SNX10: variants seen among roughly 807,000 people sequenced by gnomAD.
SNX10 encodes sorting nexin-10.
Under a neutral mutation model 28.5 loss-of-function variants are expected in SNX10, and 25 were observed. That is an observed-to-expected ratio of 0.88 (90% CI 0.64 to 1.22). The LOEUF (loss-of-function observed/expected upper bound fraction) is 1.22, where lower values mean the gene tolerates loss of function less well. Among genes scored for constraint, SNX10 ranks in the 50% most tolerant of loss-of-function variants. The probability of loss-of-function intolerance (pLI) is 0.00; values close to 1 mark genes in which losing one functional copy is unlikely to be tolerated. For synonymous variants in SNX10, 62 were observed against 81.4 expected (o/e 0.76, Z 1.28); for missense variants, 223 against 242.6 (o/e 0.92, Z 0.54).
chr7:26,341,602 C>A (rs773613107), intron 1 of SNX10, among the ~76,000 whole-genome samples: 3 of 151,718 alleles, frequency 2.0e-5, no homozygotes, highest in Non-Finnish European at 4.4e-5. Context: ...TCAAGCAGTT[C>A]TCCTGTCTCA....
chr7:26,347,969 A>G (rs980573598), intron 2 of SNX10, among the ~76,000 whole-genome samples: 10 of 152,112 alleles, frequency 6.6e-5, no homozygotes, highest in African/African-American at 1.9e-4. Context: ...TAGTAGAGAC[A>G]GGGTCTCTCT....
chr7:26,334,911 T>C (rs1300773201), intron 1 of SNX10, among the ~76,000 whole-genome samples: 21 of 152,212 alleles, frequency 1.4e-4, no homozygotes, highest in Admixed American at 1.4e-3. Context: ...TGCAGATGGT[T>C]CTGCTTGCTC....
At chr7:26,303,661 A>G (rs535278861) in intron 1 of SNX10, among the ~76,000 whole-genome samples, 1 of 151,800 alleles carries the variant, frequency 6.6e-6, no homozygotes, top group Non-Finnish European at 1.5e-5. Context: ...TCTTTTCTCT[A>G]TGTTTTCTCC....
At chr7:26,301,200 C>T (rs577072206) in intron 1 of SNX10, among the ~76,000 whole-genome samples, 2 of 152,114 alleles carry the variant, frequency 1.3e-5, no homozygotes, top group Non-Finnish European at 2.9e-5. Flanking sequence ...ACCAGGCTTT[C>T]TGGCATTAAC....
At chr7:26,323,014 G>A (rs923179177) in intron 1 of SNX10, among the ~76,000 whole-genome samples, 3 of 152,164 alleles carry the variant, frequency 2.0e-5, no homozygotes, top group African/African-American at 7.2e-5. Flanking sequence ...TTGGGAGTTC[G>A]AGGCAGAAGG....
chr7:26,362,411 G>A (rs1254853014), intron 3 of SNX10, among the ~76,000 whole-genome samples: 2 of 152,198 alleles, frequency 1.3e-5, no homozygotes, highest in Non-Finnish European at 2.9e-5. Flanking sequence ...ATTCTGCTCT[G>A]CTCTATAAAT....
chr7:26,310,232 G>A (rs559130002), intron 1 of SNX10, among the ~76,000 whole-genome samples: 3 of 152,284 alleles, frequency 2.0e-5, no homozygotes, highest in Middle Eastern at 3.4e-3. Flanking sequence ...GTGGTTGGGC[G>A]GCTTAGAAAC....
At chr7:26,359,814 C>T (rs773465825) in intron 2 of SNX10, among the ~76,000 whole-genome samples, 8 of 152,120 alleles carry the variant, frequency 5.3e-5, no homozygotes, top group South Asian at 2.1e-4. Flanking sequence ...CACGCCACCA[C>T]GCCCAGCTGA....
At chr7:26,323,215 A>T (rs1398546390) in intron 1 of SNX10, among the ~76,000 whole-genome samples, 5 of 152,118 alleles carry the variant, frequency 3.3e-5, no homozygotes, top group African/African-American at 1.2e-4. Context: ...ACGCCACTGC[A>T]CTCCAGCCTG....
chr7:26,371,840 T>A lies in SNX10; in HGVS notation c.331T>A (p.Leu111Met). ...ATATAGAGTCCTACAGAATGCACTT[T>A]TGCTTTCAGATAGCAGCCTTCACCT... The part of the protein sequence containing the change: ...FLRKVLQNAL[L>M]LSDSSLHLFL... Residue 111 changes from leucine (L) to methionine (M), a missense_variant, in exon 6 of 7, where the codon TTG (leucine) becomes ATG (methionine). Physicochemically the swap from Leu to Met is conservative, Grantham distance 15. Coordinates refer to ENST00000338523, the MANE Select transcript of SNX10 (RefSeq NM_013322.3). 1.2e-6 allele frequency: 2 copies of A among 1,613,108 alleles called. No individual in the cohort carries two copies. Among genetic ancestry groups the A allele is most frequent in the Non-Finnish European group, 1.7e-6 (2 of 1,179,250 alleles).
At position 26,352,031 on chromosome 7, in the gene SNX10, C is replaced by T. The variant is rs939951046; in HGVS notation, c.24+5565C>T. 1.2e-4 allele frequency among the ~76,000 whole-genome samples: 18 copies of T among 151,976 alleles called. 1 individual carries two copies. The highest frequency in any genetic ancestry group is 2.6e-4 in the Non-Finnish European group (18 of 67,990). ...GATTAATGAATTGTTACAAAGGCAG[C>T]ATGCTAATATAAAATGTTAATAATA... On this transcript the variant is annotated intron_variant, in intron 2 of 6. Coordinates refer to ENST00000338523, the MANE Select transcript of SNX10 (RefSeq NM_013322.3).
chr7:26,368,097 TAAG>T (rs1324287848), intron 5 of SNX10, among the ~76,000 whole-genome samples: 3 of 152,206 alleles, frequency 2.0e-5, no homozygotes, highest in South Asian at 2.1e-4. Context: ...AGGTGCCAAA[TAAG>T]AATAATTTCT....
chr7:26,305,380 G>C (rs1344087471), intron 1 of SNX10, among the ~76,000 whole-genome samples: 1 of 152,178 alleles, frequency 6.6e-6, no homozygotes, highest in African/African-American at 2.4e-5. Context: ...ACACAAAAGA[G>C]TTTTCTATCA....
chr7:26,359,197 A>G (rs1185827303), intron 2 of SNX10, among the ~76,000 whole-genome samples: 1 of 152,206 alleles, frequency 6.6e-6, no homozygotes, highest in Non-Finnish European at 1.5e-5. Flanking sequence ...ATCCCTGTCT[A>G]CTAAAGACAA....
intron 1 of SNX10, among the ~76,000 whole-genome samples, chr7:26,307,189 C>T (rs1456483603): frequency 2.0e-5 from 3 of 152,112 alleles, no homozygotes; most frequent in Non-Finnish European, 4.4e-5. Flanking sequence ...GAATTTTTTT[C>T]TCTCATCTGC....
In SNX10 at chr7:26,364,268, T is replaced by C; in HGVS notation, c.112-267T>C. 1 of 1,021,536 alleles carries C rather than the reference T, an allele frequency of 9.8e-7. No individual in the cohort carries two copies. The highest frequency in any genetic ancestry group is 1.2e-6 in the Non-Finnish European group (1 of 820,728). The allele number at this position is 1,021,536 out of a possible 1,614,324, so 63.3% of individuals were successfully genotyped here. A position where few individuals can be genotyped will look rare whatever the true frequency, so the allele number is the denominator to read the frequency against. On this transcript the variant is annotated intron_variant, in intron 3 of 6. Coordinates refer to ENST00000338523, the MANE Select transcript of SNX10 (RefSeq NM_013322.3). The surrounding 1 kb of genome is among the most constrained non-coding windows in gnomAD (Gnocchi z 4.9). ...CTTGAAAGCAGTGCTCATAGGTGAG[T>C]AGGAGGCTCCTTCAGGATGCAGGGA...
intron 1 of SNX10, among the ~76,000 whole-genome samples, chr7:26,300,432 T>C (rs1343194960): frequency 1.3e-5 from 2 of 152,052 alleles, no homozygotes; most frequent in African/African-American, 2.4e-5. Flanking sequence ...TCTGTTATCC[T>C]GAAATAAAAT....
intron 2 of SNX10, among the ~76,000 whole-genome samples, chr7:26,356,564 C>A (rs1788826820): frequency 6.6e-6 from 1 of 152,080 alleles, no homozygotes; most frequent in Non-Finnish European, 1.5e-5. Context: ...TCACTAATTC[C>A]TACTAATTGC....
intron 5 of SNX10, among the ~76,000 whole-genome samples, chr7:26,366,022 CTGT>C (rs1789276480): frequency 6.6e-6 from 1 of 152,160 alleles, no homozygotes; most frequent in Non-Finnish European, 1.5e-5. Flanking sequence ...TTCATGTTGG[CTGT>C]TATTATCTTA....
Sources: allele counts gnomAD v4.1 joint callset (sites outside exome capture counted in the v4.1 genomes callset), GRCh38; gene constraint gnomAD v4.1.1; non-coding constraint Gnocchi (gnomAD v3.1); transcripts MANE v1.5; gene names NCBI Gene and HGNC (gene_info 2026-07-23, HGNC 2026-07-21).